The following GPCPD1 variants were observed in gnomAD, a reference collection of about 807,000 sequenced individuals.
The protein encoded by GPCPD1 is glycerophosphocholine phosphodiesterase 1, also known as glycerophosphocholine phosphodiesterase GPCPD1.
In GPCPD1, 29 loss-of-function variants were observed where a neutral mutation model predicts 89.2. That is an observed-to-expected ratio of 0.33 (90% confidence interval 0.24 to 0.44). The LOEUF is 0.44. GPCPD1 is among the 20% of genes least tolerant of loss of function. GPCPD1 has a pLI of 1.00. For synonymous variants in GPCPD1, 258 were observed against 266.3 expected (o/e 0.97, Z 0.30); for missense variants, 594 against 808.9 (o/e 0.73, Z 3.22).
intron 9 of GPCPD1, 29 bp downstream of exon 9, chr20:5,575,787 G>A (rs1978287303): frequency 6.9e-7 from 1 of 1,450,886 alleles, no homozygotes; most frequent in Non-Finnish European, 9.6e-7. Flanking sequence ...ACTTAACCTT[G>A]GGTTATTTGG....
chr20:5,598,847 A>G (rs749712268), intron 2 of GPCPD1, 26 bp from the exon 3 acceptor site: 3 of 1,396,466 alleles, frequency 2.1e-6, no homozygotes, highest in Admixed American at 1.7e-5. Flanking sequence ...AATCAGTCAC[A>G]GAGAAACAGA....
rs1985005495 is a variant in GPCPD1, at chr20:5,545,924, G to C, written c.*1737C>G. On this transcript the variant is annotated 3_prime_UTR_variant, in exon 20 of 20. Coordinates refer to ENST00000379019, the MANE Select transcript of GPCPD1 (RefSeq NM_019593.5). ...AGTCTTCAAAATGGAGCCAGCACTG[G>C]GAAGGCATAGGAGAGGAGCAAAGGA... The C allele has an allele frequency of 6.6e-6, 1 of 152,202 alleles. No individual in the cohort carries two copies. Among genetic ancestry groups the C allele is most frequent in the South Asian group, 2.1e-4 (1 of 4,832 alleles). The allele number at this position is 152,202 out of a possible 1,614,324, so 9.4% of individuals were successfully genotyped here.
chr20:5,603,645 T>G (rs1042966684), intron 2 of GPCPD1, among the ~76,000 whole-genome samples: 9 of 152,072 alleles, frequency 5.9e-5, no homozygotes, highest in African/African-American at 1.9e-4. Context: ...ACTAAAATTA[T>G]CTCACAGCAC....
At chr20:5,550,202 C>A (rs1229716249) in intron 19 of GPCPD1, among the ~76,000 whole-genome samples, 3 of 114,050 alleles carry the variant, frequency 2.6e-5, no homozygotes, top group Non-Finnish European at 5.6e-5. Context: ...AAAAAAAAAA[C>A]AAACAAAGCA....
At chr20:5,555,883 T>C (rs1341454361) in intron 19 of GPCPD1, among the ~76,000 whole-genome samples, 1 of 152,074 alleles carries the variant, frequency 6.6e-6, no homozygotes, top group African/African-American at 2.4e-5. Flanking sequence ...AAAAAGATGT[T>C]TTACTGTGGG....
chr20:5,582,204 A>AAAAAAAAAAAAAAAAAC (rs1568664936), intron 6 of GPCPD1, among the ~76,000 whole-genome samples: 2 of 142,084 alleles, frequency 1.4e-5, no homozygotes, highest in African/African-American at 5.6e-5. Flanking sequence ...AAAAAAAAAA[A>AAAAAAAAAAAAAAAAAC]AAAAAAAAAA....
intron 15 of GPCPD1, among the ~76,000 whole-genome samples, chr20:5,561,795 G>A (rs1175084997): frequency 3.9e-5 from 6 of 152,184 alleles, no homozygotes; most frequent in Admixed American, 3.3e-4. Flanking sequence ...CACAAAGATG[G>A]TCCTTAACCT....
At chr20:5,600,895 C>G (rs1217736423) in intron 2 of GPCPD1, among the ~76,000 whole-genome samples, 1 of 151,484 alleles carries the variant, frequency 6.6e-6, no homozygotes, top group Non-Finnish European at 1.5e-5. Context: ...GAGGATGAAG[C>G]AGGAGAATCG....
In GPCPD1 at chr20:5,558,792, C is replaced by T. The variant is rs538309943; in HGVS notation, c.1560G>A (p.Pro520=). The T allele has an allele frequency of 7.0e-6, 11 of 1,574,130 alleles. No individual in the cohort carries two copies. Among genetic ancestry groups the T allele is most frequent in the Admixed American group, 3.7e-5 (2 of 53,432 alleles). Residue 520 remains proline, a synonymous_variant, in exon 18 of 20, where the codon CCG becomes CCA. Transcript: ENST00000379019. ...TMVRQKQNKY[P]ILFLTQGKSE... is the part of the protein sequence containing the mutation. ...ATTTTCCTTGAGTTAAAAATAGTAT[C>T]GGATATTTGTTCTGCTTTTGCCGAA...
intron 15 of GPCPD1, among the ~76,000 whole-genome samples, chr20:5,563,257 G>GT (rs1393748647): frequency 6.6e-6 from 1 of 152,164 alleles, no homozygotes; most frequent in Non-Finnish European, 1.5e-5. Context: ...GGGATTACAG[G>GT]CGTAAGCCAC....
In GPCPD1 at chr20:5,546,640, T is replaced by C. The variant is rs1985040641; in HGVS notation, c.*1021A>G. The stretch of plus-strand genomic sequence containing the variant: ...CATGATATACAATAAAGAATACTAA[T>C]ATGAAAATTCAGGACATTTATTTTT... On this transcript the variant is annotated 3_prime_UTR_variant, in exon 20 of 20. Coordinates refer to ENST00000379019, the MANE Select transcript of GPCPD1 (RefSeq NM_019593.5). 2 of 152,456 alleles carry C rather than the reference T, an allele frequency of 1.3e-5. No homozygotes were observed. The highest frequency in any genetic ancestry group is 4.1e-4 in the South Asian group (2 of 4,834). 9.4% of individuals were successfully genotyped at this position (152,456 alleles called of 1,614,324 possible).
intron 1 of GPCPD1, among the ~76,000 whole-genome samples, chr20:5,607,448 C>A (rs547762204): frequency 6.6e-6 from 1 of 151,720 alleles, no homozygotes; most frequent in South Asian, 2.1e-4. Context: ...CATGATGGCA[C>A]GTGCCTGTAG....
intron 6 of GPCPD1, 70 bp downstream of exon 6, chr20:5,584,211 A>T: frequency 1.3e-6 from 1 of 783,808 alleles, no homozygotes; most frequent in Middle Eastern, 2.3e-4. Context: ...GTGCTATATA[A>T]CTCCAGTGAA....
At chr20:5,549,400 A>C (rs1478347772) in intron 19 of GPCPD1, 1 of 1,209,414 alleles carries the variant, frequency 8.3e-7, no homozygotes, top group African/African-American at 1.5e-5. Flanking sequence ...GACTTCCTCC[A>C]AACATCGTGA....
rs370673689 is a variant in GPCPD1 at position 5,603,963 on chromosome 20, TC to T, written c.49+400del. Among the ~76,000 whole-genome samples, 192 of 152,186 alleles carry T rather than the reference TC, an allele frequency of 1.3e-3. 6 individuals carry two copies. In the East Asian group the frequency reaches 0.034, roughly 27 times the overall value. ...GGTTTCACCATGTTGGCCAGGCTGG[TC>T]TTGAACTCCTGACCTCAAGTGATCT... is the stretch of plus-strand genomic sequence containing the variant. On this transcript the variant is annotated intron_variant, in intron 2 of 19. Coordinates refer to ENST00000379019, the MANE Select transcript of GPCPD1 (RefSeq NM_019593.5).
chr20:5,581,177 C>T (rs1357159963), intron 6 of GPCPD1, among the ~76,000 whole-genome samples: 3 of 152,146 alleles, frequency 2.0e-5, no homozygotes. Context: ...CTCACCCTGC[C>T]CACATTCACA....
Position 5,560,021 on chromosome 20 carries a change from T to C in GPCPD1, c.1451A>G (p.Asp484Gly), listed in dbSNP as rs199723498. The C allele has an allele frequency of 2.5e-6, 4 of 1,578,412 alleles. No individual in the cohort carries two copies. Among genetic ancestry groups the C allele is most frequent in the South Asian group, 1.1e-5 (1 of 87,786 alleles). Reference sequence around the variant, plus strand: ...TTCTAAAACAGTTTTTAAAATTATATCCAAAAACAGATTCATGTCAAAATA... The same window carrying C: ...TTCTAAAACAGTTTTTAAAATTATACCCAAAAACAGATTCATGTCAAAATA... ...STYFDMNLFL[D>G]IILKTVLENS... Residue 484 changes from aspartate (D) to glycine (G), a missense_variant, in exon 17 of 20, where the codon GAT becomes GGT. Asp to Gly is a moderately conservative substitution (Grantham distance 94). Coordinates refer to ENST00000379019, the MANE Select transcript of GPCPD1 (RefSeq NM_019593.5).
intron 11 of GPCPD1, among the ~76,000 whole-genome samples, chr20:5,573,701 C>G (rs1032413077): frequency 1.3e-5 from 2 of 152,166 alleles, no homozygotes; most frequent in African/African-American, 4.8e-5. Flanking sequence ...CATGTTCGCA[C>G]CACTGCATTC....
chr20:5,566,416 C>A (rs182329733), intron 14 of GPCPD1, among the ~76,000 whole-genome samples: 1 of 152,292 alleles, frequency 6.6e-6, no homozygotes, highest in East Asian at 1.9e-4. Context: ...AGAGCTGGTT[C>A]AAATTGACCC....
Sources: gnomAD v4.1 joint callset for allele counts (sites outside exome capture counted in the v4.1 genomes callset) on GRCh38, gnomAD v4.1.1 for gene constraint, MANE v1.5 for transcripts, NCBI Gene and HGNC (gene_info 2026-07-23, HGNC 2026-07-21) for gene names.